The following C12orf42 variants were observed in gnomAD, a reference collection of about 807,000 sequenced individuals.
C12orf42 encodes chromosome 12 open reading frame 42.
A neutral mutation model predicts 21.6 loss-of-function variants in C12orf42; 25 were observed. The observed-to-expected ratio is 1.16, with a 90% confidence interval of 0.84 to 1.62. C12orf42 has a LOEUF of 1.62. Among genes scored for constraint, C12orf42 ranks in the 40% most tolerant of loss-of-function variants. The probability of loss-of-function intolerance (pLI) is 0.00; values close to 1 mark genes in which losing one functional copy is unlikely to be tolerated. For missense variants in C12orf42, 483 were observed against 459.3 expected (o/e 1.05, Z -0.47); for synonymous variants, 174 against 175.0 (o/e 0.99, Z 0.05).
chr12:103,368,081 T>C, intron 4 of C12orf42: 2 of 1,284,322 alleles, frequency 1.6e-6, no homozygotes, highest in Non-Finnish European at 2.0e-6. Context: ...CATTTAAATA[T>C]ATCCTTTCAG....
intron 5 of C12orf42, 44 bp from the exon 6 acceptor site, chr12:103,302,603 C>A (rs369329119): frequency 1.4e-5 from 21 of 1,521,898 alleles, no homozygotes; most frequent in South Asian, 2.5e-5. Flanking sequence ...GAGGCTCAAG[C>A]GTGCGGGACC....
At chr12:103,523,153 T>TA in the C12orf42 span, among the ~76,000 whole-genome samples, 3 of 152,226 alleles carry the variant, frequency 2.0e-5, no homozygotes, top group Admixed American at 2.0e-4. Flanking sequence ...TGCTCATCTA[T>TA]AGTTAGAATT....
chr12:103,071,107 A>G, the C12orf42 span, among the ~76,000 whole-genome samples: 2 of 152,118 alleles, frequency 1.3e-5, no homozygotes, highest in Non-Finnish European at 2.9e-5. Context: ...TGGTTACCCA[A>G]GGTAAGAACT....
intron 3 of C12orf42, among the ~76,000 whole-genome samples, chr12:103,376,901 C>G (rs1219795985): frequency 6.6e-6 from 1 of 150,932 alleles, no homozygotes; most frequent in African/African-American, 2.5e-5. Flanking sequence ...CTCTCTCTCA[C>G]TCTCTCGCTC....
At chr12:103,276,026 T>C (rs2136284384) in intron 5 of C12orf42, among the ~76,000 whole-genome samples, 1 of 152,298 alleles carries the variant, frequency 6.6e-6, no homozygotes, top group East Asian at 1.9e-4. Context: ...TGAGCTATGA[T>C]CATGCCTCCG....
the C12orf42 span, among the ~76,000 whole-genome samples, chr12:103,185,688 CCAATA>C: frequency 1.5e-3 from 223 of 152,078 alleles, no homozygotes; most frequent in African/African-American, 4.9e-3. Flanking sequence ...GGTGGTTTCC[CCAATA>C]CTGTTCTTGT....
chr12:103,134,308 T>C, the C12orf42 span, among the ~76,000 whole-genome samples: 3 of 152,072 alleles, frequency 2.0e-5, no homozygotes, highest in Non-Finnish European at 4.4e-5. Flanking sequence ...AAAATATTGA[T>C]ATTAAAGAAA....
At chr12:103,511,188 C>T in the C12orf42 span, among the ~76,000 whole-genome samples, 106 of 152,206 alleles carry the variant, frequency 7.0e-4, no homozygotes, top group Admixed American at 1.8e-3. Context: ...AAGTTGTATA[C>T]ATTACATACA....
chr12:103,111,233 G>T, the C12orf42 span, among the ~76,000 whole-genome samples: 2 of 151,882 alleles, frequency 1.3e-5, no homozygotes, highest in African/African-American at 2.4e-5. Flanking sequence ...TGTTCTCTTT[G>T]ATTTTGTGAC....
rs750571629 is a variant in C12orf42, at chr12:103,302,195, G to C, written c.996C>G (p.Ser332=). ...FPSKRLIKVC[S]SAPPRPTRRF... is the part of the protein sequence containing the mutation. ...GCCGGGTTGGGCGGGGGGGTGCTGA[G>C]GAGCAAACCTTTATTAACCTCTTGG... Residue 332 remains serine (S), a synonymous_variant, in exon 6 of 6, where the codon TCC becomes TCG. Coordinates refer to ENST00000548883, the MANE Select transcript of C12orf42 (RefSeq NM_198521.5). 1.9e-6 allele frequency: 3 copies of C among 1,612,706 alleles called. No individual in the cohort carries two copies. The highest frequency in any genetic ancestry group is 2.5e-6 in the Non-Finnish European group (3 of 1,179,432).
At chr12:103,427,503 G>T (rs1460919829) in intron 2 of C12orf42, among the ~76,000 whole-genome samples, 1 of 152,076 alleles carries the variant, frequency 6.6e-6, no homozygotes, top group East Asian at 1.9e-4. Context: ...CCTACAAGGA[G>T]ATTTGACTCC....
At chr12:103,116,381 A>AAAAT in the C12orf42 span, among the ~76,000 whole-genome samples, 22 of 136,696 alleles carry the variant, frequency 1.6e-4, no homozygotes, top group South Asian at 4.6e-4. Context: ...AAAAAAAAAA[A>AAAAT]ATATATATAT....
chr12:103,276,340 T>C (rs533882668), intron 5 of C12orf42, among the ~76,000 whole-genome samples: 3 of 152,280 alleles, frequency 2.0e-5, no homozygotes, highest in African/African-American at 7.2e-5. Flanking sequence ...CCATAATTAT[T>C]ATTCTTCCTA....
intron 2 of C12orf42, among the ~76,000 whole-genome samples, chr12:103,475,526 C>G (rs565796488): frequency 1.3e-5 from 2 of 152,276 alleles, no homozygotes; most frequent in East Asian, 3.9e-4. Context: ...AAAGAGTGGT[C>G]CCAATAAATG....
chr12:103,534,212 A>T, the C12orf42 span, among the ~76,000 whole-genome samples: 1 of 152,250 alleles, frequency 6.6e-6, no homozygotes, highest in Non-Finnish European at 1.5e-5. Context: ...CACGAAAAAT[A>T]TCTGCCAATC....
At chr12:103,080,269 GGTATTTGGTGTGATTCAGGACATA>G in the C12orf42 span, among the ~76,000 whole-genome samples, 1 of 152,144 alleles carries the variant, frequency 6.6e-6, no homozygotes, top group Non-Finnish European at 1.5e-5. Context: ...CTCACCTGAT[GGTATTTGGTGTGATTCAGGACATA>G]GTTATGGCTA....
At chr12:103,256,107 TATATACACAC>T (rs1457321452) in intron 10 of C12orf42, among the ~76,000 whole-genome samples, 425 of 39,028 alleles carry the variant, frequency 0.011, 6 homozygotes, top group Admixed American at 0.038. Context: ...TATATATATA[TATATACACAC>T]ACACACACAC....
At chr12:103,553,552 A>C in the C12orf42 span, among the ~76,000 whole-genome samples, 1 of 152,226 alleles carries the variant, frequency 6.6e-6, no homozygotes, top group Non-Finnish European at 1.5e-5. Flanking sequence ...GTATATCAAC[A>C]GGAAAAAAAC....
chr12:103,556,007 T>G, the C12orf42 span, among the ~76,000 whole-genome samples: 1 of 152,274 alleles, frequency 6.6e-6, no homozygotes, highest in South Asian at 2.1e-4. Context: ...CCTACACTGA[T>G]GTGGCAAGAT....
Sources: gnomAD v4.1 joint callset for allele counts (sites outside exome capture counted in the v4.1 genomes callset) on GRCh38, gnomAD v4.1.1 for gene constraint, MANE v1.5 for transcripts, NCBI Gene and HGNC (gene_info 2026-07-23, HGNC 2026-07-21) for gene names.